The following KCTD5 variants were observed in gnomAD, a reference collection of about 807,000 sequenced individuals.
The protein encoded by KCTD5 is potassium channel tetramerization domain containing 5, also known as BTB/POZ domain-containing protein KCTD5.
In KCTD5, 12 loss-of-function variants were observed where a neutral mutation model predicts 27.9. That is an observed-to-expected ratio of 0.43 (90% confidence interval 0.28 to 0.70). The LOEUF (loss-of-function observed/expected upper bound fraction) is 0.70, where lower values mean the gene tolerates loss of function less well. KCTD5 is among the 30% of genes least tolerant of loss of function. The pLI is 0.19. For synonymous variants in KCTD5, 147 were observed against 121.4 expected (o/e 1.21, Z -1.39); for missense variants, 226 against 274.8 (o/e 0.82, Z 1.26).
At chr16:2,707,085 C>T (rs559267942) in intron 5 of KCTD5, among the ~76,000 whole-genome samples, 4 of 152,162 alleles carry the variant, frequency 2.6e-5, no homozygotes, top group South Asian at 2.1e-4. Context: ...GCACAGTGAG[C>T]GCTCCCTGTG....
intron 3 of KCTD5, among the ~76,000 whole-genome samples, chr16:2,699,473 G>A (rs1009247915): frequency 3.3e-5 from 5 of 152,216 alleles, no homozygotes; most frequent in Admixed American, 1.3e-4. Context: ...AGCCTTTCCC[G>A]ACCGATGAAT....
intron 5 of KCTD5, among the ~76,000 whole-genome samples, chr16:2,703,181 T>G (rs1398601723): frequency 6.6e-6 from 1 of 152,206 alleles, no homozygotes; most frequent in Non-Finnish European, 1.5e-5. Flanking sequence ...TGACCCATTC[T>G]GGTGGCATTT....
chr16:2,682,875 G>C, intron 1 of KCTD5, 75 bp downstream of exon 1: 1 of 1,472,112 alleles, frequency 6.8e-7, no homozygotes, highest in Non-Finnish European at 9.0e-7. Flanking sequence ...CCTGCTTCGT[G>C]CGGAGGAGAC....
intron 3 of KCTD5, among the ~76,000 whole-genome samples, chr16:2,699,509 G>A (rs999020071): frequency 2.6e-5 from 4 of 152,378 alleles, no homozygotes; most frequent in Admixed American, 2.0e-4. Context: ...TGCTGCGTGC[G>A]GAGCAGACGT....
chr16:2,690,475 G>A (rs1481894931), intron 1 of KCTD5, among the ~76,000 whole-genome samples: 1 of 152,242 alleles, frequency 6.6e-6, no homozygotes, highest in Non-Finnish European at 1.5e-5. Flanking sequence ...TGAGACGCGG[G>A]GAAGATGAGG....
chr16:2,693,682 A>G (rs1157455072), intron 1 of KCTD5, among the ~76,000 whole-genome samples: 1 of 152,120 alleles, frequency 6.6e-6, no homozygotes, highest in African/African-American at 2.4e-5. Context: ...GGCGCCCAGC[A>G]CGCTTCCTTC....
chr16:2,707,519 C>T lies in KCTD5; in HGVS notation c.*192C>T. On this transcript the variant is annotated 3_prime_UTR_variant, in exon 6 of 6. Coordinates refer to ENST00000301738, the MANE Select transcript of KCTD5 (RefSeq NM_018992.4). Reference sequence around the variant, plus strand: ...CCCAGCTGTCCAAGGCCAGACGTCCCCAAGTTGGGGGAGCACGGCGGCCGG... The same window carrying T: ...CCCAGCTGTCCAAGGCCAGACGTCCTCAAGTTGGGGGAGCACGGCGGCCGG... 1.4e-6 allele frequency: 1 copy of T among 707,510 alleles called. No homozygotes were observed. The highest frequency in any genetic ancestry group is 1.5e-5 in the South Asian group (1 of 66,466). 43.8% of individuals were successfully genotyped at this position (707,510 alleles called of 1,614,324 possible). A position where few individuals can be genotyped will look rare whatever the true frequency, so the allele number is the denominator to read the frequency against.
intron 1 of KCTD5, among the ~76,000 whole-genome samples, chr16:2,691,089 C>A (rs1348589037): frequency 6.6e-6 from 1 of 152,212 alleles, no homozygotes; most frequent in Non-Finnish European, 1.5e-5. Flanking sequence ...GCACCAAGAC[C>A]CTGCCTACAT....
At chr16:2,683,389 A>AT (rs2067527186) in intron 1 of KCTD5, 1 of 152,010 alleles carries the variant, frequency 6.6e-6, no homozygotes, top group Non-Finnish European at 1.5e-5. Context: ...ATATAGTATG[A>AT]TTTTTCGAAG....
chr16:2,703,399 C>T (rs555665358), intron 5 of KCTD5, among the ~76,000 whole-genome samples: 8 of 152,072 alleles, frequency 5.3e-5, no homozygotes, highest in East Asian at 1.9e-4. Context: ...CAGCCTGGGG[C>T]GAAGGCTCGG....
chr16:2,699,788 G>A, intron 3 of KCTD5, 33 bp from the exon 4 acceptor site: 1 of 1,600,612 alleles, frequency 6.2e-7, no homozygotes, highest in Non-Finnish European at 8.6e-7. Context: ...GACATGGGTG[G>A]CCCGCCCTTA....
chr16:2,697,606 C>T (rs2067592060), intron 2 of KCTD5, among the ~76,000 whole-genome samples: 1 of 152,230 alleles, frequency 6.6e-6, no homozygotes, highest in Non-Finnish European at 1.5e-5. Flanking sequence ...ATGTAAGCAG[C>T]GGCTCCATAC....
At chr16:2,685,408 C>G (rs931926991) in intron 1 of KCTD5, among the ~76,000 whole-genome samples, 4 of 151,526 alleles carry the variant, frequency 2.6e-5, no homozygotes, top group African/African-American at 9.7e-5. Context: ...GCATGGGCGA[C>G]AGATCGAGAC....
At chr16:2,703,600 A>G (rs1182524215) in intron 5 of KCTD5, among the ~76,000 whole-genome samples, 2 of 151,946 alleles carry the variant, frequency 1.3e-5, no homozygotes, top group Non-Finnish European at 2.9e-5. Flanking sequence ...GCCCTTGGGA[A>G]CAGAGGGGTG....
chr16:2,685,253 C>G (rs969640618), intron 1 of KCTD5, among the ~76,000 whole-genome samples: 1 of 151,456 alleles, frequency 6.6e-6, no homozygotes, highest in Non-Finnish European at 1.5e-5. Context: ...TGGCAAAACC[C>G]CGTCTCTACT....
At chr16:2,697,475 C>G (rs1263484618) in intron 2 of KCTD5, among the ~76,000 whole-genome samples, 1 of 152,266 alleles carries the variant, frequency 6.6e-6, no homozygotes, top group East Asian at 1.9e-4. Flanking sequence ...CAGCACCCCA[C>G]CCAGTGGCGT....
At chr16:2,692,746 A>G (rs750437707) in intron 1 of KCTD5, among the ~76,000 whole-genome samples, 25 of 152,328 alleles carry the variant, frequency 1.6e-4, no homozygotes, top group Admixed American at 4.6e-4. Flanking sequence ...CCAGGAATCT[A>G]TCTGCCTCCT....
In KCTD5 at chr16:2,682,802, T is replaced by TGAG. The variant is rs780540974; in HGVS notation, c.252+4_252+6dup. ...GATCCCGACCTGGACTCAGACAAGG[T>TGAG]GAGGGCCTCACGGGCCAGCCCGGAG... is the stretch of plus-strand genomic sequence containing the variant. On this transcript the variant is annotated splice_region_variant and intron_variant, in intron 1 of 5. Coordinates refer to ENST00000301738, the MANE Select transcript of KCTD5 (RefSeq NM_018992.4). 1.3e-6 allele frequency: 2 copies of TGAG among 1,590,394 alleles called. No individual in the cohort carries two copies. The highest frequency in any genetic ancestry group is 1.7e-6 in the Non-Finnish European group (2 of 1,170,328).
At chr16:2,692,245 C>T (rs1297061546) in intron 1 of KCTD5, among the ~76,000 whole-genome samples, 3 of 152,146 alleles carry the variant, frequency 2.0e-5, no homozygotes, top group African/African-American at 4.8e-5. Context: ...CGTCTCTGGC[C>T]GGCAGCACCT....
Sources: gnomAD v4.1 joint callset for allele counts (sites outside exome capture counted in the v4.1 genomes callset) on GRCh38, gnomAD v4.1.1 for gene constraint, MANE v1.5 for transcripts, NCBI Gene and HGNC (gene_info 2026-07-23, HGNC 2026-07-21) for gene names.